Variants in DCC observed in about 807,000 individuals in gnomAD.
DCC encodes the protein DCC netrin 1 receptor, also known as netrin receptor DCC.
Under a neutral mutation model 172.5 loss-of-function variants are expected in DCC, and 58 were observed. The observed-to-expected ratio is 0.34, with a 90% CI of 0.27 to 0.42. The LOEUF (loss-of-function observed/expected upper bound fraction) is 0.42, where lower values mean the gene tolerates loss of function less well. Among genes scored for constraint, DCC ranks in the 10% least tolerant of loss-of-function variants. The pLI is 1.00. For synonymous variants in DCC, 709 were observed against 644.5 expected, an observed-to-expected ratio of 1.10 and a Z score of -1.52; for missense variants, 1,740 against 1,791.0, an observed-to-expected ratio of 0.97 and a Z score of 0.51.
intron 26 of DCC, among the ~76,000 whole-genome samples, chr18:53,489,991 C>T (rs1014257920): frequency 6.6e-6 from 1 of 152,054 alleles, no homozygotes; most frequent in Non-Finnish European, 1.5e-5. Flanking sequence ...AATTGGTGCC[C>T]CCACTTTCTT....
At chr18:53,318,377 TC>T (rs2057367973) in intron 13 of DCC, among the ~76,000 whole-genome samples, 1 of 152,196 alleles carries the variant, frequency 6.6e-6, no homozygotes, top group Admixed American at 6.5e-5. Context: ...CTTTTGCCTT[TC>T]CTGAGGAGTT....
At chr18:53,218,949 A>G (rs754670151) in intron 12 of DCC, among the ~76,000 whole-genome samples, 2 of 152,124 alleles carry the variant, frequency 1.3e-5, no homozygotes, top group East Asian at 3.8e-4. Flanking sequence ...ATACTTCCCT[A>G]TGTTTCAATC....
chr18:52,640,571 C>T (rs562006936), intron 1 of DCC, among the ~76,000 whole-genome samples: 2 of 151,664 alleles, frequency 1.3e-5, no homozygotes, highest in African/African-American at 4.8e-5. Context: ...CAACAGCAAC[C>T]AAGTGGAGAA....
chr18:52,774,918 T>C (rs1599096871), intron 2 of DCC, among the ~76,000 whole-genome samples: 1 of 152,262 alleles, frequency 6.6e-6, no homozygotes, highest in Non-Finnish European at 1.5e-5. Context: ...CCAAAACTCT[T>C]TACATTGTAA....
In DCC at chr18:53,414,000, A is replaced by G. The variant is rs1599122791; in HGVS notation, c.3131-2124A>G. 2.0e-5 allele frequency among the ~76,000 whole-genome samples: 3 copies of G among 152,222 alleles called. No individual in the cohort carries two copies. The East Asian group carries it at 5.8e-4, about 29-fold the overall frequency. On this transcript the variant is annotated intron_variant, in intron 20 of 28. Transcript: ENST00000442544. ...TACATATAATGCAACTGCCTGTCAA[A>G]AGCATCTTTATCAATACTATAATAA...
intron 1 of DCC, among the ~76,000 whole-genome samples, chr18:52,715,323 C>G (rs778861843): frequency 1.3e-4 from 19 of 146,062 alleles, no homozygotes; most frequent in Non-Finnish European, 2.7e-4. Context: ...TTTTTGAGAC[C>G]AAGTGTCACT....
intron 1 of DCC, among the ~76,000 whole-genome samples, chr18:52,573,738 C>T (rs1011815655): frequency 1.3e-4 from 20 of 152,182 alleles, no homozygotes; most frequent in African/African-American, 4.8e-4. Flanking sequence ...TAAAGACCAT[C>T]TTGAGCACTG....
At chr18:52,982,122 G>A (rs2041221368) in intron 5 of DCC, among the ~76,000 whole-genome samples, 2 of 152,130 alleles carry the variant, frequency 1.3e-5, no homozygotes, top group Admixed American at 6.5e-5. Context: ...GAGGTGTTGA[G>A]CAGGGGACCA....
chr18:53,445,705 T>C (rs1037021098), intron 22 of DCC, among the ~76,000 whole-genome samples: 3 of 152,168 alleles, frequency 2.0e-5, no homozygotes, highest in African/African-American at 7.2e-5. Flanking sequence ...AATAAGTCTT[T>C]ATTAAATATA....
At chr18:53,006,562 G>A (rs1277384985) in intron 5 of DCC, among the ~76,000 whole-genome samples, 1 of 152,198 alleles carries the variant, frequency 6.6e-6, no homozygotes, top group African/African-American at 2.4e-5. Context: ...ACACAGAGAT[G>A]TGGAACTGAA....
chr18:53,529,050 A>T (rs922993158), intron 28 of DCC, among the ~76,000 whole-genome samples: 25 of 144,036 alleles, frequency 1.7e-4, no homozygotes, highest in African/African-American at 4.4e-4. Flanking sequence ...ACACACACAC[A>T]CACACACACA....
At chr18:52,407,335 A>G (rs1036526329) in intron 1 of DCC, among the ~76,000 whole-genome samples, 5 of 152,106 alleles carry the variant, frequency 3.3e-5, no homozygotes, top group Admixed American at 6.6e-5. Flanking sequence ...AAAACAAAAG[A>G]TGAAAGATAT....
At chr18:53,265,233 G>C (rs1342751472) in intron 12 of DCC, among the ~76,000 whole-genome samples, 1 of 152,090 alleles carries the variant, frequency 6.6e-6, no homozygotes. Context: ...GCTGTAACCT[G>C]GTTCAGTATT....
At chr18:53,094,044 G>A (rs2043050192) in intron 7 of DCC, among the ~76,000 whole-genome samples, 1 of 152,142 alleles carries the variant, frequency 6.6e-6, no homozygotes, top group South Asian at 2.1e-4. Flanking sequence ...AATGAGAAAT[G>A]TTTAAAATCG....
chr18:53,323,859 A>G (rs886939337), intron 14 of DCC, among the ~76,000 whole-genome samples: 1 of 152,200 alleles, frequency 6.6e-6, no homozygotes, highest in African/African-American at 2.4e-5. Context: ...AGTCAAGACA[A>G]TGATGCTGTT....
chr18:53,397,362 A>T lies in DCC; in HGVS notation c.2743A>T (p.Met915Leu). The change falls in exon 18 of 29, where the codon ATG becomes TTG. Residue 915 changes from methionine (M) to leucine (L), a missense_variant. By Grantham distance (15) the Met-to-Leu change is conservative. Around this residue, in one of 2 missense-constraint regions of DCC, gnomAD observed 1,732 missense variants for 1,767.4 expected, o/e 0.98. Coordinates refer to ENST00000442544, the MANE Select transcript of DCC (RefSeq NM_005215.4). ...AGCAACAGGCCTCAAACCAAACACA[A>T]TGTATGAATTCTCGGTCATGGTAAC... ...YTATGLKPNTMYEFSVMVTKN... is the reference protein window; with the variant it reads ...YTATGLKPNTLYEFSVMVTKN... 1 of 1,613,798 alleles carries T rather than the reference A, an allele frequency of 6.2e-7. No individual in the cohort carries two copies. Among genetic ancestry groups the T allele is most frequent in the East Asian group, 2.2e-5 (1 of 44,886 alleles).
chr18:53,530,787 G>T lies in DCC; in HGVS notation c.*134G>T, dbSNP rs112982913. On this transcript the variant is annotated 3_prime_UTR_variant, in exon 29 of 29. Coordinates refer to ENST00000442544, the MANE Select transcript of DCC (RefSeq NM_005215.4). ...CCATCAGGACCACTCAGTTAAGGAA[G>T]ATCCTGAAGCAGTTCAGAAGGAATA... 1,153 of 727,260 alleles carry T rather than the reference G, an allele frequency of 1.6e-3. 9 individuals are homozygous for T. In the African/African-American group the frequency reaches 0.018, roughly 11 times the overall value. The allele number at this position is 727,260 out of a possible 1,614,324, so 45.1% of individuals were successfully genotyped here. A position where few individuals can be genotyped will look rare whatever the true frequency, so the allele number is the denominator to read the frequency against.
intron 1 of DCC, among the ~76,000 whole-genome samples, chr18:52,726,015 T>C (rs2036546414): frequency 1.3e-5 from 2 of 152,172 alleles, no homozygotes; most frequent in African/African-American, 4.8e-5. Context: ...GATAAATAAA[T>C]GGAAGGACAG....
intron 15 of DCC, among the ~76,000 whole-genome samples, chr18:53,376,897 T>A (rs1191605048): frequency 6.6e-6 from 1 of 152,166 alleles, no homozygotes; most frequent in Non-Finnish European, 1.5e-5. Flanking sequence ...GTTACTCACG[T>A]CCATTGTTTG....
Sources: gnomAD v4.1 joint callset for allele counts (sites outside exome capture counted in the v4.1 genomes callset) on GRCh38, gnomAD v4.1.1 for gene constraint, gnomAD v4.1.1 regional missense constraint, MANE v1.5 for transcripts, NCBI Gene and HGNC (gene_info 2026-07-23, HGNC 2026-07-21) for gene names.